Variants in PAK5 observed in about 807,000 individuals in gnomAD.
PAK5 encodes p21 (RAC1) activated kinase 5.
PAK5 carries 16 observed loss-of-function variants against 65.9 expected under a neutral mutation model. The observed-to-expected ratio is 0.24, with a 90% confidence interval of 0.16 to 0.37. The LOEUF is 0.37. Among genes scored for constraint, PAK5 ranks in the 10% least tolerant of loss-of-function variants. The pLI is 1.00. For synonymous variants in PAK5, 371 were observed against 354.9 expected (o/e 1.05, Z -0.51); for missense variants, 785 against 903.9 (o/e 0.87, Z 1.69).
At chr20:9,677,488 C>T (rs1430739370) in intron 2 of PAK5, among the ~76,000 whole-genome samples, 1 of 152,104 alleles carries the variant, frequency 6.6e-6, no homozygotes, top group East Asian at 1.9e-4. Context: ...CTGGGTGTGA[C>T]CACACTTAAG....
At chr20:9,611,287 C>T (rs1024372903) in intron 3 of PAK5, among the ~76,000 whole-genome samples, 6 of 152,166 alleles carry the variant, frequency 3.9e-5, no homozygotes, top group African/African-American at 1.2e-4. Flanking sequence ...ACTCTCTACT[C>T]TCCTCCTATC....
chr20:9,644,215 C>T lies in PAK5; in HGVS notation c.114G>A (p.Gln38=), dbSNP rs141757771. 637 of 1,609,608 alleles carry T rather than the reference C, an allele frequency of 4.0e-4. 6 individuals are homozygous for T. The African/African-American group carries it at 7.7e-3, about 20-fold the overall frequency. ...QEQKFTGLPQ[Q]WHSLLADTAN... ...CCGTATCTGCTAACAGGCTGTGCCA[C>T]TGCTGGGGAAGGCCGGTAAACTTCT... Residue 38 remains glutamine (Q), a synonymous_variant, in exon 3 of 10, where the codon CAG becomes CAA. Coordinates refer to ENST00000353224, the MANE Select transcript of PAK5 (RefSeq NM_177990.4).
At chr20:9,539,666 C>T (rs1369481424) in intron 9 of PAK5, 49 bp from the exon 10 acceptor site, 3 of 1,497,570 alleles carry the variant, frequency 2.0e-6, no homozygotes, top group African/African-American at 1.4e-5. Flanking sequence ...AGACACCTAA[C>T]CCAGTCCCCA....
In PAK5 at chr20:9,580,735, C is replaced by T. The variant is rs1186089642; in HGVS notation, c.400G>A (p.Glu134Lys). Residue 134 changes from glutamate (E) to lysine (K), a missense_variant, in exon 4 of 10, where the codon GAA (glutamate) becomes AAA (lysine). Physicochemically the swap from Glu to Lys is moderately conservative, Grantham distance 56. Around this residue, in one of 4 missense-constraint regions of PAK5, gnomAD observed 422 missense variants for 413.3 expected, o/e 1.02. Coordinates refer to ENST00000353224, the MANE Select transcript of PAK5 (RefSeq NM_177990.4). Reference protein sequence around the residue: ...GFITFSQYSSESDTTADYTTE... With the variant: ...GFITFSQYSSKSDTTADYTTE... ...GTGTAGTCAGCAGTAGTATCGGATT[C>T]GCTGGAATACTGGGAGAAGGTGATG... 5.6e-6 allele frequency: 9 copies of T among 1,613,872 alleles called. No homozygotes were observed. The highest frequency in any genetic ancestry group is 2.2e-5 in the East Asian group (1 of 44,856).
chr20:9,580,662 G>T lies in PAK5; in HGVS notation c.473C>A (p.Pro158Gln), dbSNP rs760330867. Residue 158 changes from proline (P) to glutamine (Q), a missense_variant, in exon 4 of 10, where the codon CCG becomes CAG. By Grantham distance (76) the Pro-to-Gln change is moderately conservative. Coordinates refer to ENST00000353224, the MANE Select transcript of PAK5 (RefSeq NM_177990.4). The stretch of plus-strand genomic sequence containing the variant: ...GGCTGCGTGGCTGCCTCTATAATAC[G>T]GATCCAGATCATCTCCATAGAGACT... ...EKSLYGDDLD[P>Q]YYRGSHAAKQ... 6.2e-7 allele frequency: 1 copy of T among 1,613,900 alleles called. No individual in the cohort carries two copies. Among genetic ancestry groups the T allele is most frequent in the Non-Finnish European group, 8.5e-7 (1 of 1,179,984 alleles).
chr20:9,557,617 G>T lies in PAK5; in HGVS notation c.1734C>A (p.Ser578Arg). The T allele has an allele frequency of 6.2e-7, 1 of 1,609,532 alleles. No homozygotes were observed. The highest frequency in any genetic ancestry group is 1.1e-5 in the South Asian group (1 of 89,996). ...AACATGAACATCTTACCCGGCCATCGCTTGTCAGGAGGATGGAGTCACTTT... is the reference window on the plus strand; with the variant it reads ...AACATGAACATCTTACCCGGCCATCTCTTGTCAGGAGGATGGAGTCACTTT... The part of the protein sequence containing the change: ...DIKSDSILLT[S>R]DGRIKLSDFG... Residue 578 changes from serine (S) to arginine (R), a missense_variant, in exon 7 of 10, where the codon AGC becomes AGA. Around this residue, in one of 4 missense-constraint regions of PAK5, gnomAD observed 182 missense variants for 273.0 expected, o/e 0.67. Transcript: ENST00000353224.
intron 1 of PAK5, among the ~76,000 whole-genome samples, chr20:9,756,097 T>A (rs1344720024): frequency 6.6e-6 from 1 of 152,182 alleles, no homozygotes; most frequent in Non-Finnish European, 1.5e-5. Context: ...AAAAAGAGAA[T>A]AAGTGAGGAC....
At chr20:9,818,507 C>G (rs1309655026) in intron 1 of PAK5, among the ~76,000 whole-genome samples, 2 of 152,154 alleles carry the variant, frequency 1.3e-5, no homozygotes, top group Non-Finnish European at 2.9e-5. Flanking sequence ...AACATGGGAA[C>G]AGTATCTCGC....
intron 1 of PAK5, among the ~76,000 whole-genome samples, chr20:9,787,619 A>ATGTGTGTGTG (rs3061911): frequency 4.1e-5 from 6 of 146,636 alleles, no homozygotes; most frequent in East Asian, 2.0e-4. Flanking sequence ...TATGAAAAGG[A>ATGTGTGTGTG]TGTGTGTGTG....
chr20:9,661,580 T>C (rs957048357), intron 2 of PAK5, among the ~76,000 whole-genome samples: 3 of 152,166 alleles, frequency 2.0e-5, no homozygotes, highest in Non-Finnish European at 2.9e-5. Flanking sequence ...CTTTCTATCA[T>C]TTATTGCCCC....
intron 6 of PAK5, among the ~76,000 whole-genome samples, chr20:9,560,053 G>A (rs936037667): frequency 1.1e-4 from 17 of 152,150 alleles, no homozygotes; most frequent in Admixed American, 4.6e-4. Flanking sequence ...CTTGAATTCC[G>A]TGAAATTTGA....
intron 3 of PAK5, among the ~76,000 whole-genome samples, chr20:9,637,412 A>T (rs1412015503): frequency 6.6e-6 from 1 of 152,146 alleles, no homozygotes; most frequent in African/African-American, 2.4e-5. Flanking sequence ...AACGAGAGTT[A>T]AAAAAAGCAA....
intron 1 of PAK5, among the ~76,000 whole-genome samples, chr20:9,775,080 G>C (rs1225583726): frequency 2.6e-5 from 4 of 152,180 alleles, no homozygotes; most frequent in Non-Finnish European, 4.4e-5. Flanking sequence ...GATGACAAAA[G>C]TCAGATCAGT....
intron 3 of PAK5, among the ~76,000 whole-genome samples, chr20:9,606,707 G>A (rs1200534537): frequency 6.6e-6 from 1 of 152,232 alleles, no homozygotes; most frequent in Non-Finnish European, 1.5e-5. Context: ...CACAAGGTGA[G>A]AATCTGCTGG....
chr20:9,740,799 T>C (rs1254346906), intron 1 of PAK5, among the ~76,000 whole-genome samples: 1 of 152,200 alleles, frequency 6.6e-6, no homozygotes, highest in Admixed American at 6.5e-5. Flanking sequence ...CAATGAGCAA[T>C]AAACATTCAT....
At chr20:9,831,568 T>C (rs551716375) in intron 1 of PAK5, among the ~76,000 whole-genome samples, 1 of 152,306 alleles carries the variant, frequency 6.6e-6, no homozygotes, top group East Asian at 1.9e-4. Context: ...AGTGCAGTGG[T>C]GCGATCTTGG....
intron 1 of PAK5, among the ~76,000 whole-genome samples, chr20:9,728,339 T>C (rs916834617): frequency 6.6e-6 from 1 of 152,188 alleles, no homozygotes; most frequent in East Asian, 1.9e-4. Context: ...CCGGGTACTT[T>C]GTTATAGTGC....
In PAK5 at chr20:9,799,865, C is replaced by T. The variant is rs560954768; in HGVS notation, c.-162+38897G>A. On this transcript the variant is annotated intron_variant, in intron 1 of 9. Transcript: ENST00000353224. The stretch of plus-strand genomic sequence containing the variant: ...CTGAGGTGGGAGGATTGCTTGAGCC[C>T]AGGAAGTGGAAGTTGTTGTGAGCCA... Among the ~76,000 whole-genome samples, 10 of 133,590 alleles carry T rather than the reference C, an allele frequency of 7.5e-5. No individual in the cohort carries two copies. In the South Asian group the frequency reaches 2.3e-3, roughly 31 times the overall value. The allele number at this position is 133,590 out of a possible 152,430, so 87.6% of individuals were successfully genotyped here.
chr20:9,723,068 C>G (rs750957679), intron 1 of PAK5, among the ~76,000 whole-genome samples: 1 of 152,054 alleles, frequency 6.6e-6, no homozygotes, highest in Non-Finnish European at 1.5e-5. Context: ...CAATAAAGTC[C>G]AATAAAACGA....
Sources: allele counts gnomAD v4.1 joint callset (sites outside exome capture counted in the v4.1 genomes callset), GRCh38; gene constraint gnomAD v4.1.1; regional missense constraint gnomAD v4.1.1; transcripts MANE v1.5; gene names NCBI Gene and HGNC (gene_info 2026-07-23, HGNC 2026-07-21).